Variants in ST6GALNAC3 observed in about 807,000 individuals in gnomAD.
The protein encoded by ST6GALNAC3 is ST6 N-acetylgalactosaminide alpha-2,6-sialyltransferase 3.
ST6GALNAC3 carries 25 observed loss-of-function variants against 32.7 expected under a neutral mutation model. The observed-to-expected ratio is 0.76, with a 90% confidence interval of 0.56 to 1.07. The LOEUF (loss-of-function observed/expected upper bound fraction) is 1.07, where lower values mean the gene tolerates loss of function less well. ST6GALNAC3 is among the 50% of genes least tolerant of loss of function. The pLI is 0.00. For synonymous variants in ST6GALNAC3, 129 were observed against 133.1 expected, an observed-to-expected ratio of 0.97 and a Z score of 0.21; for missense variants, 355 against 382.4, an observed-to-expected ratio of 0.93 and a Z score of 0.60.
At chr1:76,512,421 G>GT (rs1661921000) in intron 3 of ST6GALNAC3, among the ~76,000 whole-genome samples, 1 of 151,842 alleles carries the variant, frequency 6.6e-6, no homozygotes, top group Non-Finnish European at 1.5e-5. Context: ...TACCACTTGA[G>GT]TTTTTTTAAG....
chr1:76,354,034 G>T, intron 2 of ST6GALNAC3: 1 of 159,180 alleles, frequency 6.3e-6, no homozygotes. Flanking sequence ...TGCCAGGATA[G>T]CATCTCCCAC....
intron 2 of ST6GALNAC3, among the ~76,000 whole-genome samples, chr1:76,365,159 A>G (rs1209375198): frequency 6.6e-6 from 1 of 152,166 alleles, no homozygotes; most frequent in Non-Finnish European, 1.5e-5. Flanking sequence ...AAAAAATGAA[A>G]CCATGTACTT....
At chr1:76,285,497 G>A (rs1659728198) in intron 1 of ST6GALNAC3, among the ~76,000 whole-genome samples, 1 of 151,978 alleles carries the variant, frequency 6.6e-6, no homozygotes, top group African/African-American at 2.4e-5. Flanking sequence ...CCACAAAAAT[G>A]TTTTAATCTT....
At chr1:76,430,071 G>C (rs1285572845) in intron 3 of ST6GALNAC3, among the ~76,000 whole-genome samples, 1 of 152,068 alleles carries the variant, frequency 6.6e-6, no homozygotes, top group African/African-American at 2.4e-5. Context: ...GTTTAAATTT[G>C]ACTTATCTTT....
chr1:76,128,205 C>A (rs1649383358), intron 1 of ST6GALNAC3, among the ~76,000 whole-genome samples: 1 of 152,096 alleles, frequency 6.6e-6, no homozygotes, highest in Admixed American at 6.6e-5. Context: ...ATGCTTTATT[C>A]ACAGAAAGGA....
chr1:76,148,632 T>C (rs1191995166), intron 1 of ST6GALNAC3, among the ~76,000 whole-genome samples: 1 of 152,210 alleles, frequency 6.6e-6, no homozygotes, highest in Non-Finnish European at 1.5e-5. Context: ...CATGTACATA[T>C]GAAGGCTGCT....
intron 3 of ST6GALNAC3, among the ~76,000 whole-genome samples, chr1:76,575,297 C>T (rs895626382): frequency 6.6e-6 from 1 of 152,066 alleles, no homozygotes; most frequent in African/African-American, 2.4e-5. Flanking sequence ...TTGTGATTTT[C>T]AATGGAACCT....
At chr1:76,408,731 T>G (rs758401636) in intron 2 of ST6GALNAC3, among the ~76,000 whole-genome samples, 48 of 145,108 alleles carry the variant, frequency 3.3e-4, no homozygotes, top group Non-Finnish European at 6.5e-4. Flanking sequence ...TTGCTGCATT[T>G]TATAGATTTG....
intron 3 of ST6GALNAC3, among the ~76,000 whole-genome samples, chr1:76,516,645 A>T (rs1266803746): frequency 1.3e-5 from 2 of 152,048 alleles, no homozygotes; most frequent in East Asian, 3.9e-4. Context: ...AATAGTATCA[A>T]CCTTTTTCTT....
At chr1:76,157,668 A>G (rs1651545309) in intron 1 of ST6GALNAC3, among the ~76,000 whole-genome samples, 2 of 152,136 alleles carry the variant, frequency 1.3e-5, no homozygotes, top group Non-Finnish European at 2.9e-5. Context: ...TAAAGTTTAT[A>G]TATGTTAAGA....
chr1:76,250,235 G>A (rs563634408), intron 1 of ST6GALNAC3, among the ~76,000 whole-genome samples: 1 of 152,254 alleles, frequency 6.6e-6, no homozygotes, highest in South Asian at 2.1e-4. Flanking sequence ...AGGATGGTTT[G>A]CAATTTCTAA....
At chr1:76,517,764 G>T (rs1374935347) in intron 3 of ST6GALNAC3, among the ~76,000 whole-genome samples, 2 of 131,452 alleles carry the variant, frequency 1.5e-5, no homozygotes, top group African/African-American at 5.1e-5. Context: ...GCGACTCAGT[G>T]ATTTTAATTT....
chr1:76,584,830 G>A (rs988939480), intron 3 of ST6GALNAC3, among the ~76,000 whole-genome samples: 14 of 152,180 alleles, frequency 9.2e-5, no homozygotes, highest in East Asian at 1.9e-4. Flanking sequence ...TATTTTGTCC[G>A]ATGGTATGTG....
chr1:76,206,435 T>G (rs993195213), intron 1 of ST6GALNAC3, among the ~76,000 whole-genome samples: 2 of 152,134 alleles, frequency 1.3e-5, no homozygotes, highest in African/African-American at 4.8e-5. Context: ...ACTAAATACA[T>G]CCACATCTTT....
At chr1:76,248,053 C>T (rs1232070455) in intron 1 of ST6GALNAC3, among the ~76,000 whole-genome samples, 3 of 152,106 alleles carry the variant, frequency 2.0e-5, no homozygotes, top group East Asian at 1.9e-4. Flanking sequence ...CTTCTCTTGG[C>T]TGGGCGAGGG....
rs564756372 is a variant in ST6GALNAC3, at chr1:76,225,298, G to T, written c.19-88507G>T. Among the ~76,000 whole-genome samples, 178 of 152,246 alleles carry T rather than the reference G, an allele frequency of 1.2e-3. 1 individual carries two copies. Among genetic ancestry groups the T allele is most frequent in the Non-Finnish European group, 1.6e-3 (111 of 68,008 alleles). On this transcript the variant is annotated intron_variant, in intron 1 of 4. Coordinates refer to ENST00000328299, the MANE Select transcript of ST6GALNAC3 (RefSeq NM_152996.4). ...TCCCTAGTCCCCATTTCTATATATAGATGCAGAAATTTCATAATTGGAAAC... is the reference window on the plus strand; with the variant it reads ...TCCCTAGTCCCCATTTCTATATATATATGCAGAAATTTCATAATTGGAAAC...
intron 1 of ST6GALNAC3, among the ~76,000 whole-genome samples, chr1:76,216,919 GA>G (rs1162880940): frequency 6.6e-6 from 1 of 151,726 alleles, no homozygotes; most frequent in Non-Finnish European, 1.5e-5. Flanking sequence ...ATCTTGTTCG[GA>G]AAAAAAATAC....
chr1:76,453,824 G>T (rs1309201863), intron 3 of ST6GALNAC3, among the ~76,000 whole-genome samples: 5 of 152,088 alleles, frequency 3.3e-5, no homozygotes, highest in African/African-American at 9.7e-5. Context: ...TAAATCCATT[G>T]TTTCTTTGTT....
At chr1:76,333,864 T>C (rs1395332950) in intron 2 of ST6GALNAC3, among the ~76,000 whole-genome samples, 1 of 152,184 alleles carries the variant, frequency 6.6e-6, no homozygotes, top group Non-Finnish European at 1.5e-5. Context: ...CATTTGTTTC[T>C]CACAATAATG....
Sources: allele counts gnomAD v4.1 joint callset (sites outside exome capture counted in the v4.1 genomes callset), GRCh38; gene constraint gnomAD v4.1.1; transcripts MANE v1.5; gene names NCBI Gene and HGNC (gene_info 2026-07-23, HGNC 2026-07-21).